Variants in ASF1A observed in about 807,000 individuals in gnomAD.
The protein encoded by ASF1A is histone chaperone ASF1A.
In ASF1A, 5 loss-of-function variants were observed where a neutral mutation model predicts 22.0. The ratio of observed to expected loss-of-function variants is 0.23; its 90% CI spans 0.12 to 0.48. The LOEUF is 0.48. Among genes scored for constraint, ASF1A ranks in the 20% least tolerant of loss-of-function variants. ASF1A has a pLI of 0.99. For synonymous variants in ASF1A, 97 were observed against 86.7 expected, an observed-to-expected ratio of 1.12 and a Z score of -0.66; for missense variants, 137 against 240.6, an observed-to-expected ratio of 0.57 and a Z score of 2.85.
rs1270670204 is a variant in ASF1A, at chr6:118,907,539, T to C, written c.540T>C (p.Pro180=). 6.2e-7 allele frequency: 1 copy of C among 1,613,690 alleles called. No homozygotes were observed. The highest frequency in any genetic ancestry group is 1.1e-5 in the South Asian group (1 of 91,076). ...LQSLLSTDAL[P]SASKGWSTSE... ...CACTTCTTTCAACAGATGCATTACC[T>C]TCAGCATCAAAGGGATGGTCCACAT... Residue 180 remains proline, a synonymous_variant, in exon 4 of 4, where the codon CCT becomes CCC. Coordinates refer to ENST00000229595, the MANE Select transcript of ASF1A (RefSeq NM_014034.3).
chr6:118,906,077 C>T (rs549851919), intron 3 of ASF1A, among the ~76,000 whole-genome samples: 3 of 152,016 alleles, frequency 2.0e-5, no homozygotes, highest in South Asian at 2.1e-4. Flanking sequence ...AATGAAAGTA[C>T]CTCTTTTTTT....
Position 118,894,820 on chromosome 6 carries a change from G to A in ASF1A, c.109+298G>A, listed in dbSNP as rs1197950119. On this transcript the variant is annotated intron_variant, in intron 1 of 3. Coordinates refer to ENST00000229595, the MANE Select transcript of ASF1A (RefSeq NM_014034.3). ...AGCTCGGAGACCCGCACTCGCTCCC[G>A]CTGCGCCGCCTGAGGTCGCGCCGGG... Among the ~76,000 whole-genome samples the A allele has an allele frequency of 5.9e-5, 9 of 152,196 alleles. No individual in the cohort carries two copies. The East Asian group carries it at 1.3e-3, about 23-fold the overall frequency.
At chr6:118,901,414 A>G (rs1388092147) in intron 2 of ASF1A, among the ~76,000 whole-genome samples, 1 of 152,162 alleles carries the variant, frequency 6.6e-6, no homozygotes, top group Admixed American at 6.6e-5. Flanking sequence ...GGGTCATTGG[A>G]ATGACATTCC....
At chr6:118,905,309 C>T (rs919638861) in intron 2 of ASF1A, among the ~76,000 whole-genome samples, 4 of 152,142 alleles carry the variant, frequency 2.6e-5, no homozygotes, top group Non-Finnish European at 5.9e-5. Context: ...AAAATTATGA[C>T]TGAAAAGGTT....
chr6:118,894,500 G>C lies in ASF1A; in HGVS notation c.87G>C (p.Glu29Asp), dbSNP rs1171096378. The change falls in exon 1 of 4, where the codon GAG (glutamate) becomes GAC (aspartate). Residue 29 changes from glutamate to aspartate, a missense_variant. Coordinates refer to ENST00000229595, the MANE Select transcript of ASF1A (RefSeq NM_014034.3). ...YNPFQFEITF[E>D]CIEDLSEDLE... ...CGTTCCAGTTCGAGATCACCTTCGA[G>C]TGCATCGAGGACCTGTCTGAAGGTG... 1.3e-6 allele frequency: 2 copies of C among 1,537,162 alleles called. No homozygotes were observed. Among genetic ancestry groups the C allele is most frequent in the Non-Finnish European group, 1.7e-6 (2 of 1,146,812 alleles).
intron 1 of ASF1A, among the ~76,000 whole-genome samples, chr6:118,899,129 C>T (rs773480413): frequency 6.6e-5 from 10 of 152,188 alleles, no homozygotes; most frequent in Non-Finnish European, 1.3e-4. Flanking sequence ...GTCCATGCCA[C>T]CATAATTTCT....
Position 118,907,540 on chromosome 6 carries a change from T to G in ASF1A, c.541T>G (p.Ser181Ala). 6.2e-7 allele frequency: 1 copy of G among 1,613,726 alleles called. No homozygotes were observed. Among genetic ancestry groups the G allele is most frequent in the Non-Finnish European group, 8.5e-7 (1 of 1,179,712 alleles). ...ACTTCTTTCAACAGATGCATTACCTTCAGCATCAAAGGGATGGTCCACATC... is the reference window on the plus strand; with the variant it reads ...ACTTCTTTCAACAGATGCATTACCTGCAGCATCAAAGGGATGGTCCACATC... ...QSLLSTDALP[S>A]ASKGWSTSEN... Residue 181 changes from serine to alanine, a missense_variant, in exon 4 of 4, where the codon TCA (serine) becomes GCA (alanine). Ser to Ala is a moderately conservative substitution (Grantham distance 99). Coordinates refer to ENST00000229595, the MANE Select transcript of ASF1A (RefSeq NM_014034.3).
In ASF1A at chr6:118,897,339, G is replaced by T. The variant is rs561664558; in HGVS notation, c.109+2817G>T. ...AGATAATTTGGTTCTTTCTAATATAGGGCTTATATCAAGGGTTAAGACAGC... is the reference window on the plus strand; with the variant it reads ...AGATAATTTGGTTCTTTCTAATATATGGCTTATATCAAGGGTTAAGACAGC... On this transcript the variant is annotated intron_variant, in intron 1 of 3. Transcript: ENST00000229595. Among the ~76,000 whole-genome samples the T allele has an allele frequency of 3.1e-4, 47 of 152,108 alleles. No individual in the cohort carries two copies. The South Asian group carries it at 3.5e-3, about 11-fold the overall frequency.
Position 118,907,690 on chromosome 6 carries a change from AT to A in ASF1A, c.*77del. 8.5e-7 allele frequency: 1 copy of A among 1,174,792 alleles called. No homozygotes were observed. The highest frequency in any genetic ancestry group is 1.4e-5 in the South Asian group (1 of 72,228). The allele number at this position is 1,174,792 out of a possible 1,614,324, so 72.8% of individuals were successfully genotyped here. A position where few individuals can be genotyped will look rare whatever the true frequency, so the allele number is the denominator to read the frequency against. On this transcript the variant is annotated 3_prime_UTR_variant, in exon 4 of 4. Transcript: ENST00000229595. ...TATTTCCCTGAAATTCCGTAAGTAC[AT>A]AGTCAAAACACAATGTGAAGAATTT...
chr6:118,904,172 C>A (rs1388148671), intron 2 of ASF1A, among the ~76,000 whole-genome samples: 1 of 152,152 alleles, frequency 6.6e-6, no homozygotes, highest in Non-Finnish European at 1.5e-5. Flanking sequence ...TTAGAAAATT[C>A]TAAGCAATAT....
At chr6:118,902,528 CTTTTTTTTT>C (rs33980013) in intron 2 of ASF1A, among the ~76,000 whole-genome samples, 2 of 131,526 alleles carry the variant, frequency 1.5e-5, no homozygotes, top group Non-Finnish European at 3.2e-5. Flanking sequence ...ACTGATAATA[CTTTTTTTTT>C]TTTTTTTTTG....
In ASF1A at chr6:118,904,418, T is replaced by C. The variant is rs146879838; in HGVS notation, c.226-1234T>C. On this transcript the variant is annotated intron_variant, in intron 2 of 3. Transcript: ENST00000229595. Reference sequence around the variant, plus strand: ...GCTCATCTAGGCCCAGGAATATTCCTTGGTGCCCTGGCAACAGGTAAGCTA... The same window carrying C: ...GCTCATCTAGGCCCAGGAATATTCCCTGGTGCCCTGGCAACAGGTAAGCTA... Among the ~76,000 whole-genome samples, 715 of 152,318 alleles carry C rather than the reference T, an allele frequency of 4.7e-3. 1 individual carries two copies. Among genetic ancestry groups the C allele is most frequent in the Non-Finnish European group, 5.0e-3 (341 of 68,022 alleles).
chr6:118,894,429 G>C lies in ASF1A; in HGVS notation c.16G>C (p.Val6Leu). The C allele has an allele frequency of 6.5e-7, 1 of 1,537,130 alleles. No individual in the cohort carries two copies. Among genetic ancestry groups the C allele is most frequent in the Non-Finnish European group, 8.7e-7 (1 of 1,146,822 alleles). MAKVQ[V>L]NNVVVLDNPS... ...TTTTCAAAATATGGCAAAGGTTCAG[G>C]TGAACAATGTAGTGGTGCTGGATAA... The change falls in exon 1 of 4, where the codon GTG (valine) becomes CTG (leucine). Residue 6 changes from valine (V) to leucine (L), a missense_variant. Physicochemically the swap from Val to Leu is conservative, Grantham distance 32 (BLOSUM62 1). Around this residue, in one of 2 missense-constraint regions of ASF1A, gnomAD observed 96 missense variants for 196.7 expected, o/e 0.49. Coordinates refer to ENST00000229595, the MANE Select transcript of ASF1A (RefSeq NM_014034.3).
At chr6:118,894,559 C>G in intron 1 of ASF1A, 37 bp downstream of exon 1, 1 of 1,487,542 alleles carries the variant, frequency 6.7e-7, no homozygotes, top group Non-Finnish European at 9.1e-7. Context: ...CTGTCAGTTG[C>G]GGGCTGCAGA....
rs1485836130 is a variant in ASF1A, at chr6:118,907,566, A to G, written c.567A>G (p.Ser189=). ...LPSASKGWST[S]ENSLNVMLES... ...CAGCATCAAAGGGATGGTCCACATC[A>G]GAAAACTCACTAAATGTCATGTTAG... is the stretch of plus-strand genomic sequence containing the variant. Residue 189 remains serine, a synonymous_variant, in exon 4 of 4, where the codon TCA becomes TCG. Coordinates refer to ENST00000229595, the MANE Select transcript of ASF1A (RefSeq NM_014034.3). 2 of 1,613,630 alleles carry G rather than the reference A, an allele frequency of 1.2e-6. No individual in the cohort carries two copies. Among genetic ancestry groups the G allele is most frequent in the African/African-American group, 2.7e-5 (2 of 74,928 alleles).
At chr6:118,901,907 C>A (rs1324638666) in intron 2 of ASF1A, among the ~76,000 whole-genome samples, 2 of 152,144 alleles carry the variant, frequency 1.3e-5, no homozygotes, top group East Asian at 1.9e-4. Context: ...GTCAAATAAT[C>A]CCATCAGAAA....
intron 3 of ASF1A, among the ~76,000 whole-genome samples, chr6:118,906,499 A>G (rs937280286): frequency 1.8e-4 from 28 of 152,346 alleles, no homozygotes; most frequent in Middle Eastern, 3.4e-3. Context: ...TTGTTGTACT[A>G]ATTATTCAAT....
intron 3 of ASF1A, among the ~76,000 whole-genome samples, chr6:118,906,353 G>A (rs1317413064): frequency 6.6e-6 from 1 of 152,186 alleles, no homozygotes; most frequent in Non-Finnish European, 1.5e-5. Flanking sequence ...GATTACAGGT[G>A]TGAGCCACCA....
In ASF1A at chr6:118,894,189, CT is replaced by C; in HGVS notation, c.-223del. The C allele has an allele frequency of 7.6e-7, 1 of 1,312,250 alleles. No homozygotes were observed. The highest frequency in any genetic ancestry group is 9.7e-7 in the Non-Finnish European group (1 of 1,029,292). The allele number at this position is 1,312,250 out of a possible 1,614,324, so 81.3% of individuals were successfully genotyped here. On this transcript the variant is annotated 5_prime_UTR_variant, in exon 1 of 4. Coordinates refer to ENST00000229595, the MANE Select transcript of ASF1A (RefSeq NM_014034.3). ...CAGCCAATCGAGGGCAACGCTGCTA[CT>C]TATCAGAGCAGAATGGGCTGTAGTT...
Sources: allele counts gnomAD v4.1 joint callset (sites outside exome capture counted in the v4.1 genomes callset), GRCh38; gene constraint gnomAD v4.1.1; regional missense constraint gnomAD v4.1.1; transcripts MANE v1.5; gene names NCBI Gene and HGNC (gene_info 2026-07-23, HGNC 2026-07-21).